PTPRD: variants seen among roughly 807,000 people sequenced by gnomAD.
PTPRD encodes the protein protein tyrosine phosphatase receptor type D, also known as receptor-type tyrosine-protein phosphatase delta.
PTPRD carries 34 observed loss-of-function variants against 214.5 expected under a neutral mutation model. The ratio of observed to expected loss-of-function variants is 0.16; its 90% CI spans 0.12 to 0.21. The LOEUF is 0.21. Ranked by LOEUF, PTPRD falls within the 10% of genes least tolerant of loss-of-function variation. The pLI, the probability that PTPRD is intolerant of heterozygous loss-of-function variation, is 1.00. For synonymous variants in PTPRD, 1,128 were observed against 845.7 expected, an observed-to-expected ratio of 1.33 and a Z score of -5.79; for missense variants, 2,545 against 2,398.7, an observed-to-expected ratio of 1.06 and a Z score of -1.27.
intron 30 of PTPRD, among the ~76,000 whole-genome samples, chr9:8,475,477 C>T (rs979679771): frequency 6.6e-6 from 1 of 152,092 alleles, no homozygotes; most frequent in Admixed American, 6.6e-5. Flanking sequence ...CATCCTAGAT[C>T]TCATTCCACC....
chr9:8,484,454 T>TAG, intron 29 of PTPRD, 76 bp from the exon 30 acceptor site: 1 of 952,396 alleles, frequency 1.0e-6, no homozygotes, highest in Non-Finnish European at 1.5e-6. Context: ...CAATGTGCAC[T>TAG]AGCTTTTGGA....
At chr9:9,539,644 A>G (rs2077189142) in intron 8 of PTPRD, among the ~76,000 whole-genome samples, 1 of 151,864 alleles carries the variant, frequency 6.6e-6, no homozygotes, top group South Asian at 2.1e-4. Flanking sequence ...AAAGTGATGG[A>G]TAAAATATAC....
chr9:10,525,727 AGTGTGT>A (rs398010299), intron 2 of PTPRD, among the ~76,000 whole-genome samples: 17 of 146,962 alleles, frequency 1.2e-4, no homozygotes, highest in African/African-American at 2.5e-4. Context: ...AGATTTTCAA[AGTGTGT>A]GTGTGTGTGT....
chr9:9,060,489 G>T (rs1241941905), intron 10 of PTPRD, among the ~76,000 whole-genome samples: 3 of 152,014 alleles, frequency 2.0e-5, no homozygotes, highest in Non-Finnish European at 4.4e-5. Context: ...TAAAAAATTA[G>T]ATTAATTTAA....
chr9:9,257,033 T>C (rs914441256), intron 9 of PTPRD, among the ~76,000 whole-genome samples: 4 of 152,046 alleles, frequency 2.6e-5, no homozygotes, highest in Admixed American at 2.6e-4. Flanking sequence ...TCTCTCTCTG[T>C]GTCTTGTATC....
intron 3 of PTPRD, among the ~76,000 whole-genome samples, chr9:10,284,333 A>G (rs2095265710): frequency 6.6e-6 from 1 of 152,194 alleles, no homozygotes. Context: ...AGCCAATAGT[A>G]TTCATATACT....
chr9:9,823,374 C>G (rs1207024251), intron 5 of PTPRD, among the ~76,000 whole-genome samples: 2 of 151,984 alleles, frequency 1.3e-5, no homozygotes, highest in East Asian at 3.9e-4. Flanking sequence ...ATGACCAGAT[C>G]TCGTGAGAAC....
chr9:10,095,770 G>A (rs2098477006), intron 3 of PTPRD, among the ~76,000 whole-genome samples: 1 of 151,430 alleles, frequency 6.6e-6, no homozygotes, highest in Non-Finnish European at 1.5e-5. Flanking sequence ...CAACCAAAAT[G>A]CATCCTACTT....
At chr9:8,396,754 T>C (rs984241364) in intron 36 of PTPRD, among the ~76,000 whole-genome samples, 2 of 152,156 alleles carry the variant, frequency 1.3e-5, no homozygotes. Flanking sequence ...CTTGGCTACA[T>C]GTAAGAGAAA....
At chr9:8,626,020 C>A (rs116592527) in intron 14 of PTPRD, among the ~76,000 whole-genome samples, 1 of 151,544 alleles carries the variant, frequency 6.6e-6, no homozygotes, top group African/African-American at 2.4e-5. Flanking sequence ...TAAGGAGATA[C>A]GTAATTAGGG....
chr9:9,998,061 C>G (rs997016477), intron 4 of PTPRD, among the ~76,000 whole-genome samples: 1 of 147,800 alleles, frequency 6.8e-6, no homozygotes, highest in Non-Finnish European at 1.5e-5. Context: ...GAGTTTCTTT[C>G]TTGGAACACA....
At chr9:9,189,581 T>A (rs1240518017) in intron 9 of PTPRD, among the ~76,000 whole-genome samples, 2 of 152,054 alleles carry the variant, frequency 1.3e-5, no homozygotes, top group African/African-American at 4.8e-5. Flanking sequence ...CACTTTATAA[T>A]GATTTCTATT....
chr9:8,828,928 C>T (rs1031204370), intron 11 of PTPRD, among the ~76,000 whole-genome samples: 2 of 152,128 alleles, frequency 1.3e-5, no homozygotes, highest in African/African-American at 4.8e-5. Context: ...ATGTGGACAA[C>T]AGTGTTCCAT....
chr9:9,907,326 C>CTATTATATTA (rs2077867692), intron 5 of PTPRD, among the ~76,000 whole-genome samples: 1 of 151,736 alleles, frequency 6.6e-6, no homozygotes, highest in Non-Finnish European at 1.5e-5. Flanking sequence ...CTGCTAGGGC[C>CTATTATATTA]GTCATAATAA....
At chr9:9,137,862 T>C (rs1412797275) in intron 10 of PTPRD, among the ~76,000 whole-genome samples, 3 of 152,148 alleles carry the variant, frequency 2.0e-5, no homozygotes, top group Non-Finnish European at 4.4e-5. Context: ...CCAGACCCAA[T>C]TCAGGTCTAA....
At chr9:10,497,961 C>T (rs975640753) in intron 2 of PTPRD, among the ~76,000 whole-genome samples, 2 of 151,910 alleles carry the variant, frequency 1.3e-5, no homozygotes, top group African/African-American at 4.8e-5. Context: ...AATAGCTGGA[C>T]TTTTTATTAT....
intron 9 of PTPRD, among the ~76,000 whole-genome samples, chr9:9,246,087 T>G (rs1569565609): frequency 6.6e-6 from 1 of 152,078 alleles, no homozygotes; most frequent in Non-Finnish European, 1.5e-5. Context: ...TATTTTACTT[T>G]GATTATCTTT....
At chr9:9,765,371 C>A (rs1385181235) in intron 6 of PTPRD, among the ~76,000 whole-genome samples, 1 of 152,150 alleles carries the variant, frequency 6.6e-6, no homozygotes, top group Non-Finnish European at 1.5e-5. Flanking sequence ...GAACAGGCAT[C>A]AATTACTAAT....
chr9:9,147,799 T>C (rs1305819031), intron 10 of PTPRD, among the ~76,000 whole-genome samples: 1 of 152,162 alleles, frequency 6.6e-6, no homozygotes, highest in African/African-American at 2.4e-5. Context: ...GTTTTCAAAG[T>C]CTTTTTCCCA....
Sources: allele counts gnomAD v4.1 joint callset (sites outside exome capture counted in the v4.1 genomes callset), GRCh38; gene constraint gnomAD v4.1.1; transcripts MANE v1.5; gene names NCBI Gene and HGNC (gene_info 2026-07-23, HGNC 2026-07-21).